The following NCAM2 variants were observed in gnomAD, a reference collection of about 807,000 sequenced individuals.
The protein encoded by NCAM2 is neural cell adhesion molecule 2.
Under a neutral mutation model 98.1 loss-of-function variants are expected in NCAM2, and 30 were observed. The observed-to-expected ratio is 0.31, with a 90% CI of 0.23 to 0.41. The LOEUF (loss-of-function observed/expected upper bound fraction) is 0.41. NCAM2 is among the 10% of genes least tolerant of loss of function. The pLI is 1.00. For synonymous variants in NCAM2, 368 were observed against 342.4 expected (o/e 1.07, Z -0.83); for missense variants, 867 against 1,005.8 (o/e 0.86, Z 1.87).
At chr21:21,354,434 A>G (rs1378445523) in intron 8 of NCAM2, among the ~76,000 whole-genome samples, 3 of 152,154 alleles carry the variant, frequency 2.0e-5, no homozygotes, top group African/African-American at 7.2e-5. Context: ...TCTTATCTGT[A>G]CCCAAATGAT....
At chr21:21,046,077 C>A (rs1380682489) in intron 1 of NCAM2, among the ~76,000 whole-genome samples, 1 of 152,274 alleles carries the variant, frequency 6.6e-6, no homozygotes, top group African/African-American at 2.4e-5. Flanking sequence ...ATGCTTAAAT[C>A]CAAGTATGGG....
At chr21:21,435,737 C>T (rs560413110) in intron 12 of NCAM2, among the ~76,000 whole-genome samples, 76 of 152,248 alleles carry the variant, frequency 5.0e-4, no homozygotes, top group Middle Eastern at 6.8e-3. Flanking sequence ...TGTGCTGGTA[C>T]TATTCTTTCT....
At chr21:21,532,028 A>G (rs533804358) in intron 16 of NCAM2, among the ~76,000 whole-genome samples, 40 of 151,978 alleles carry the variant, frequency 2.6e-4, no homozygotes, top group African/African-American at 8.7e-4. Flanking sequence ...ATATCTTACA[A>G]TGGATAGGAG....
At chr21:21,537,329 G>A (rs1990037188) in intron 17 of NCAM2, among the ~76,000 whole-genome samples, 1 of 152,132 alleles carries the variant, frequency 6.6e-6, no homozygotes, top group Admixed American at 6.6e-5. Context: ...TTACAAGCAT[G>A]AGCCACCACG....
At chr21:21,300,192 G>T (rs970136809) in intron 5 of NCAM2, among the ~76,000 whole-genome samples, 1 of 151,854 alleles carries the variant, frequency 6.6e-6, no homozygotes, top group Non-Finnish European at 1.5e-5. Flanking sequence ...GCCAGAAAAA[G>T]AATGCAAAGT....
chr21:21,046,255 T>G (rs1309481441), intron 1 of NCAM2, among the ~76,000 whole-genome samples: 1 of 152,216 alleles, frequency 6.6e-6, no homozygotes. Context: ...TTGTTACTTA[T>G]CTTTTTGTAT....
At chr21:21,491,285 T>C (rs902386007) in intron 15 of NCAM2, among the ~76,000 whole-genome samples, 3 of 151,774 alleles carry the variant, frequency 2.0e-5, no homozygotes, top group African/African-American at 7.2e-5. Context: ...TATATTTCAA[T>C]AAAACACATG....
intron 1 of NCAM2, among the ~76,000 whole-genome samples, chr21:21,082,465 T>G (rs998503956): frequency 6.6e-6 from 1 of 152,152 alleles, no homozygotes; most frequent in Middle Eastern, 3.2e-3. Flanking sequence ...TCTACCACGA[T>G]AATTAAATTT....
chr21:21,438,622 A>G (rs1033079886), intron 12 of NCAM2, among the ~76,000 whole-genome samples: 2 of 152,194 alleles, frequency 1.3e-5, no homozygotes, highest in African/African-American at 4.8e-5. Flanking sequence ...CAGCTGTAGC[A>G]AGACTTTTTG....
chr21:21,340,645 C>T (rs1305905124), intron 8 of NCAM2, among the ~76,000 whole-genome samples: 1 of 151,898 alleles, frequency 6.6e-6, no homozygotes, highest in East Asian at 1.9e-4. Context: ...TTATATTTCT[C>T]CAAATATATT....
chr21:21,041,767 A>G (rs540772736), intron 1 of NCAM2, among the ~76,000 whole-genome samples: 42 of 152,344 alleles, frequency 2.8e-4, no homozygotes, highest in African/African-American at 1.0e-3. Context: ...GCAAGAGAAA[A>G]GTGTATGTGT....
intron 12 of NCAM2, among the ~76,000 whole-genome samples, chr21:21,440,337 A>G (rs969810176): frequency 6.6e-6 from 1 of 152,162 alleles, no homozygotes; most frequent in Non-Finnish European, 1.5e-5. Flanking sequence ...TACAGAGTTT[A>G]TTATGAAATG....
At chr21:21,393,374 C>T (rs232437) in intron 9 of NCAM2, among the ~76,000 whole-genome samples, 25,278 of 151,712 alleles carry the variant, frequency 0.17, 3,219 homozygotes, top group African/African-American at 0.35. Context: ...GTGATTTTTT[C>T]CAGATAGTAT....
intron 1 of NCAM2, among the ~76,000 whole-genome samples, chr21:21,069,800 A>G (rs769213795): frequency 3.5e-4 from 53 of 152,254 alleles, no homozygotes; most frequent in Middle Eastern, 3.4e-3. Context: ...ACTCCTCTCG[A>G]TGTCTACCTG....
intron 3 of NCAM2, 117 bp downstream of exon 3, chr21:21,284,517 AG>A (rs1310722917): frequency 1.3e-6 from 1 of 759,302 alleles, no homozygotes; most frequent in African/African-American, 1.8e-5. Context: ...AATAAATATC[AG>A]TTTATTTATG....
chr21:21,392,569 A>T (rs963110531), intron 9 of NCAM2, among the ~76,000 whole-genome samples: 1 of 152,208 alleles, frequency 6.6e-6, no homozygotes, highest in Non-Finnish European at 1.5e-5. Context: ...TGCCACCAAC[A>T]GTGTAACAGT....
chr21:21,068,871 C>T (rs1443303079), intron 1 of NCAM2, among the ~76,000 whole-genome samples: 1 of 151,950 alleles, frequency 6.6e-6, no homozygotes, highest in African/African-American at 2.4e-5. Flanking sequence ...ATTTTCATAC[C>T]ACCCATTATT....
At chr21:21,181,474 C>G (rs2068466098) in intron 1 of NCAM2, among the ~76,000 whole-genome samples, 1 of 152,094 alleles carries the variant, frequency 6.6e-6, no homozygotes, top group South Asian at 2.1e-4. Context: ...TTACCAAAAC[C>G]TTGTTGCATG....
intron 5 of NCAM2, among the ~76,000 whole-genome samples, chr21:21,318,347 T>C (rs1378691917): frequency 3.3e-5 from 5 of 152,180 alleles, no homozygotes; most frequent in African/African-American, 1.2e-4. Flanking sequence ...TTAATTATTA[T>C]CTCATACTGT....
Sources: allele counts gnomAD v4.1 joint callset (sites outside exome capture counted in the v4.1 genomes callset), GRCh38; gene constraint gnomAD v4.1.1; transcripts MANE v1.5; gene names NCBI Gene and HGNC (gene_info 2026-07-23, HGNC 2026-07-21).